Variants in CNGA3 observed in about 807,000 individuals in gnomAD.
The protein encoded by CNGA3 is cyclic nucleotide-gated channel alpha-3.
A neutral mutation model predicts 46.6 loss-of-function variants in CNGA3; 42 were observed. The ratio of observed to expected loss-of-function variants is 0.90; its 90% CI spans 0.70 to 1.17. The LOEUF is 1.17. Among genes scored for constraint, CNGA3 ranks in the 50% most tolerant of loss-of-function variants. The probability of loss-of-function intolerance (pLI) is 0.00; values close to 1 mark genes in which losing one functional copy is unlikely to be tolerated. For synonymous variants in CNGA3, 394 were observed against 369.4 expected, an observed-to-expected ratio of 1.07 and a Z score of -0.76; for missense variants, 893 against 890.7, an observed-to-expected ratio of 1.00 and a Z score of -0.03.
chr2:98,352,425 G>A (rs1225935721), intron 1 of CNGA3, among the ~76,000 whole-genome samples: 1 of 152,100 alleles, frequency 6.6e-6, no homozygotes, highest in Non-Finnish European at 1.5e-5. Context: ...GGATCACATG[G>A]TAACTCATGT....
At chr2:98,386,937 C>T (rs888797457) in intron 5 of CNGA3, among the ~76,000 whole-genome samples, 1 of 152,342 alleles carries the variant, frequency 6.6e-6, no homozygotes, top group Admixed American at 6.5e-5. Context: ...TGGGGGATGG[C>T]AGCCCTGTCA....
intron 2 of CNGA3, among the ~76,000 whole-genome samples, chr2:98,377,062 G>T (rs1291573447): frequency 6.6e-6 from 1 of 152,202 alleles, no homozygotes; most frequent in Admixed American, 6.5e-5. Context: ...GGGACGAGGG[G>T]AAGTGGAGTC....
intron 1 of CNGA3, among the ~76,000 whole-genome samples, chr2:98,365,488 C>T (rs1434829483): frequency 6.6e-6 from 1 of 152,088 alleles, no homozygotes; most frequent in East Asian, 1.9e-4. Flanking sequence ...TGGATGATAC[C>T]CTGAAGTGTG....
intron 1 of CNGA3, chr2:98,347,066 G>C (rs1441189367): frequency 6.6e-6 from 1 of 152,296 alleles, no homozygotes; most frequent in East Asian, 1.9e-4. Context: ...TCCGCGCCGC[G>C]CCGGGGGAGG....
At position 98,363,863 on chromosome 2, in the gene CNGA3, C is replaced by T. The variant is rs6706193; in HGVS notation, c.-37-6076C>T. ...GAATATCCTTGTTAATTTTCTGTCT[C>T]GATGATCTGTCTAATATTGACAGTG... On this transcript the variant is annotated intron_variant, in intron 1 of 7. Coordinates refer to ENST00000272602, the MANE Select transcript of CNGA3 (RefSeq NM_001298.3). Among the ~76,000 whole-genome samples the T allele has an allele frequency of 2.1e-3, 313 of 152,180 alleles. 1 individual carries two copies. The highest frequency in any genetic ancestry group is 7.3e-3 in the African/African-American group (302 of 41,526).
chr2:98,350,076 G>A (rs1052988305), intron 1 of CNGA3, among the ~76,000 whole-genome samples: 3 of 152,286 alleles, frequency 2.0e-5, no homozygotes, highest in East Asian at 1.9e-4. Context: ...CTCCTTTGCA[G>A]GATTCATACA....
intron 3 of CNGA3, among the ~76,000 whole-genome samples, chr2:98,379,140 G>A (rs3769749): frequency 6.6e-6 from 1 of 152,170 alleles, no homozygotes; most frequent in African/African-American, 2.4e-5. Flanking sequence ...GTCTGCGGCA[G>A]AGAGACTGGG....
intron 1 of CNGA3, among the ~76,000 whole-genome samples, chr2:98,348,258 AC>A (rs1224959803): frequency 6.6e-6 from 1 of 152,038 alleles, no homozygotes; most frequent in African/African-American, 2.4e-5. Flanking sequence ...TCTTGGGGTG[AC>A]TGGCTGGTGG....
intron 3 of CNGA3, 193 bp from the exon 4 acceptor site, chr2:98,379,982 C>T: frequency 1.5e-6 from 1 of 646,038 alleles, no homozygotes; most frequent in Non-Finnish European, 2.7e-6. Context: ...GATAAACGGT[C>T]CCCATGGGGC....
In CNGA3 at chr2:98,380,184, C is replaced by A. The variant is rs200404774; in HGVS notation, c.225C>A (p.Arg75=). Residue 75 remains arginine, a synonymous_variant, in exon 4 of 8, where the codon CGC becomes CGA. Transcript: ENST00000272602. ...FTGQGIARLS[R]LIFLLRRWAA... ...TTGTGTCACCTTCCAGGCTGTCGCG[C>A]CTCATCTTCTTGCTGCGCAGGTGGG... 6.2e-7 allele frequency: 1 copy of A among 1,614,176 alleles called. No individual in the cohort carries two copies. Among genetic ancestry groups the A allele is most frequent in the Non-Finnish European group, 8.5e-7 (1 of 1,180,044 alleles).
intron 1 of CNGA3, among the ~76,000 whole-genome samples, chr2:98,362,336 C>T (rs955215045): frequency 2.6e-5 from 4 of 151,928 alleles, no homozygotes; most frequent in African/African-American, 9.6e-5. Flanking sequence ...CCTGCCACCA[C>T]GCCCAGCTAA....
chr2:98,363,238 C>T (rs561148211), intron 1 of CNGA3, among the ~76,000 whole-genome samples: 7 of 152,218 alleles, frequency 4.6e-5, no homozygotes, highest in East Asian at 1.9e-4. Flanking sequence ...TAAATTACTT[C>T]GGGAAGTATG....
At chr2:98,355,867 C>A (rs572476581) in intron 1 of CNGA3, 1 of 152,196 alleles carries the variant, frequency 6.6e-6, no homozygotes, top group Non-Finnish European at 1.5e-5. Flanking sequence ...CCTCTCAGGC[C>A]AGTGCCCTTA....
intron 1 of CNGA3, among the ~76,000 whole-genome samples, chr2:98,359,324 G>A (rs1262217960): frequency 6.6e-6 from 1 of 152,220 alleles, no homozygotes; most frequent in Non-Finnish European, 1.5e-5. Context: ...GGGAAGTAAG[G>A]AAGCCCCCAA....
chr2:98,388,021 G>A (rs954652007), intron 5 of CNGA3, among the ~76,000 whole-genome samples: 1 of 152,180 alleles, frequency 6.6e-6, no homozygotes, highest in Non-Finnish European at 1.5e-5. Flanking sequence ...ACATTAGACT[G>A]AGCCACTAAT....
rs774888059 is a variant in CNGA3 at position 98,396,708 on chromosome 2, G to C, written c.1538G>C (p.Gly513Ala). 3.1e-6 allele frequency: 5 copies of C among 1,614,188 alleles called. No homozygotes were observed. The highest frequency in any genetic ancestry group is 3.4e-6 in the Non-Finnish European group (4 of 1,180,038). The change falls in exon 8 of 8, where the codon GGA becomes GCA. Residue 513 changes from glycine (G) to alanine (A), a missense_variant. Gly to Ala is a moderately conservative substitution (Grantham distance 60). Coordinates refer to ENST00000272602, the MANE Select transcript of CNGA3 (RefSeq NM_001298.3). ...CCTGGGGATTATATCTGCAAGAAGG[G>C]AGATATTGGGAAGGAGATGTACATC... Reference protein sequence around the residue: ...FSPGDYICKKGDIGKEMYIIN... With the variant: ...FSPGDYICKKADIGKEMYIIN...
chr2:98,349,989 T>C (rs1691739031), intron 1 of CNGA3, among the ~76,000 whole-genome samples: 1 of 152,158 alleles, frequency 6.6e-6, no homozygotes, highest in Admixed American at 6.5e-5. Flanking sequence ...CAGAATAGTT[T>C]TGCTCCAAGG....
chr2:98,377,456 C>T, intron 2 of CNGA3: 1 of 520,658 alleles, frequency 1.9e-6, no homozygotes, highest in South Asian at 2.0e-5. Flanking sequence ...CGTCCTTTCA[C>T]CTAGCCCTGG....
In CNGA3 at chr2:98,380,344, A is replaced by G; in HGVS notation, c.385A>G (p.Arg129Gly). 6.2e-7 allele frequency: 1 copy of G among 1,614,090 alleles called. No homozygotes were observed. The highest frequency in any genetic ancestry group is 8.5e-7 in the Non-Finnish European group (1 of 1,179,980). Reference protein sequence around the residue: ...ANVGSQEPADRGRSAWPLAKC... With the variant: ...ANVGSQEPADGGRSAWPLAKC... Reference sequence around the variant, plus strand: ...TGTGGGCAGCCAGGAGCCAGCAGACAGAGGGAGAAGGTAAGGAACGGAAAA... The same window carrying G: ...TGTGGGCAGCCAGGAGCCAGCAGACGGAGGGAGAAGGTAAGGAACGGAAAA... The change falls in exon 4 of 8, where the codon AGA becomes GGA. Residue 129 changes from arginine (R) to glycine (G), a missense_variant. This residue lies in a region of CNGA3 where 333 missense variants were observed against 290.8 expected (regional missense o/e 1.15). Transcript: ENST00000272602.
Sources: gnomAD v4.1 joint callset for allele counts (sites outside exome capture counted in the v4.1 genomes callset) on GRCh38, gnomAD v4.1.1 for gene constraint, gnomAD v4.1.1 regional missense constraint, MANE v1.5 for transcripts, NCBI Gene and HGNC (gene_info 2026-07-23, HGNC 2026-07-21) for gene names.